C1QTNF7: variants seen among roughly 807,000 people sequenced by gnomAD.
C1QTNF7 encodes the protein C1q and TNF related 7, also known as complement C1q tumor necrosis factor-related protein 7.
Under a neutral mutation model 19.6 loss-of-function variants are expected in C1QTNF7, and 15 were observed. The observed-to-expected ratio is 0.76, with a 90% CI of 0.51 to 1.18. The LOEUF (loss-of-function observed/expected upper bound fraction) is 1.18. C1QTNF7 is among the 50% of genes most tolerant of loss of function. The pLI is 0.00. For synonymous variants in C1QTNF7, 142 were observed against 137.5 expected, an observed-to-expected ratio of 1.03 and a Z score of -0.23; for missense variants, 324 against 359.7, an observed-to-expected ratio of 0.90 and a Z score of 0.80.
At chr4:15,392,482 C>T (rs370798360) in intron 1 of C1QTNF7, among the ~76,000 whole-genome samples, 6 of 152,210 alleles carry the variant, frequency 3.9e-5, no homozygotes, top group East Asian at 3.9e-4. Flanking sequence ...GGAAGCAGCC[C>T]TCACCCAAAG....
chr4:15,420,036 G>A (rs1711675521), intron 1 of C1QTNF7: 1 of 152,156 alleles, frequency 6.6e-6, no homozygotes. Flanking sequence ...TCTCATCACT[G>A]GCAAACTCTT....
At chr4:15,340,255 G>A (rs1716492981) in intron 1 of C1QTNF7, 4 of 1,545,782 alleles carry the variant, frequency 2.6e-6, no homozygotes, top group East Asian at 2.4e-5. Flanking sequence ...CCTCCTATTC[G>A]GCCTTCATCA....
intron 1 of C1QTNF7, among the ~76,000 whole-genome samples, chr4:15,361,496 A>G (rs921892640): frequency 6.6e-6 from 1 of 152,088 alleles, no homozygotes; most frequent in Non-Finnish European, 1.5e-5. Context: ...TATCTGGGGG[A>G]AGAAAAACCC....
chr4:15,349,719 C>T (rs1434052247), intron 1 of C1QTNF7, among the ~76,000 whole-genome samples: 1 of 152,074 alleles, frequency 6.6e-6, no homozygotes. Context: ...TTCCTTGACC[C>T]GGGTCTTGCC....
chr4:15,399,111 C>G (rs2108905973), intron 1 of C1QTNF7, among the ~76,000 whole-genome samples: 1 of 152,272 alleles, frequency 6.6e-6, no homozygotes, highest in African/African-American at 2.4e-5. Flanking sequence ...GCCATTTTGC[C>G]TCTTAATGCA....
intron 1 of C1QTNF7, among the ~76,000 whole-genome samples, chr4:15,420,826 CTTTTTTTTTTTTTTT>C (rs61609914): frequency 1.5e-4 from 10 of 66,242 alleles, no homozygotes; most frequent in Non-Finnish European, 2.6e-4. Flanking sequence ...ACTGCTTTGT[CTTTTTTTTTTTTTTT>C]TTTTTTTTTT....
chr4:15,411,230 C>G (rs1360608760), intron 1 of C1QTNF7, among the ~76,000 whole-genome samples: 3 of 152,104 alleles, frequency 2.0e-5, no homozygotes, highest in Non-Finnish European at 4.4e-5. Flanking sequence ...GGAAGGCACA[C>G]TGAGGCATAA....
intron 1 of C1QTNF7, among the ~76,000 whole-genome samples, chr4:15,432,553 G>A (rs998833469): frequency 4.6e-5 from 7 of 152,140 alleles, no homozygotes; most frequent in African/African-American, 1.7e-4. Context: ...ACGCCACCAT[G>A]CAGGGCTACT....
intron 1 of C1QTNF7, among the ~76,000 whole-genome samples, chr4:15,395,514 A>G (rs922889509): frequency 4.6e-5 from 7 of 152,224 alleles, no homozygotes; most frequent in African/African-American, 1.7e-4. Context: ...GATGCCAAAT[A>G]GACACAGACT....
intron 1 of C1QTNF7, among the ~76,000 whole-genome samples, chr4:15,365,537 G>A (rs1340475218): frequency 1.3e-5 from 2 of 152,172 alleles, no homozygotes; most frequent in African/African-American, 2.4e-5. Context: ...ATGTCTGTTA[G>A]TCACAACTCT....
At chr4:15,384,798 G>C (rs753534239) in intron 1 of C1QTNF7, among the ~76,000 whole-genome samples, 22 of 152,154 alleles carry the variant, frequency 1.4e-4, no homozygotes, top group Non-Finnish European at 3.1e-4. Flanking sequence ...GAAATCATAA[G>C]GGTTGGTTTG....
At chr4:15,436,405 G>A (rs895541622) in intron 2 of C1QTNF7, among the ~76,000 whole-genome samples, 1 of 152,216 alleles carries the variant, frequency 6.6e-6, no homozygotes, top group African/African-American at 2.4e-5. Context: ...GACAGAAGGG[G>A]AAATGGACAG....
intron 1 of C1QTNF7, among the ~76,000 whole-genome samples, chr4:15,378,702 T>C (rs1390095852): frequency 6.6e-6 from 1 of 152,218 alleles, no homozygotes; most frequent in African/African-American, 2.4e-5. Flanking sequence ...AGTCTGAAAT[T>C]GTGCATATGT....
At position 15,442,361 on chromosome 4, in the gene C1QTNF7, C is replaced by A. The variant is rs535929913; in HGVS notation, c.432C>A (p.Ile144=). 6 of 1,614,148 alleles carry A rather than the reference C, an allele frequency of 3.7e-6. No individual in the cohort carries two copies. In the East Asian group the frequency reaches 6.7e-5, roughly 18 times the overall value. ...GLPGVCRCGS[I]VLKSAFSVGI... ...CTGGAGTTTGCAGATGTGGAAGCATCGTGCTCAAATCCGCCTTTTCTGTTG... is the reference window on the plus strand; with the variant it reads ...CTGGAGTTTGCAGATGTGGAAGCATAGTGCTCAAATCCGCCTTTTCTGTTG... Residue 144 remains isoleucine, a synonymous_variant, in exon 3 of 3, where the codon ATC becomes ATA. Coordinates refer to ENST00000444304, the MANE Select transcript of C1QTNF7 (RefSeq NM_031911.5).
At chr4:15,398,817 A>T (rs1421800942) in intron 1 of C1QTNF7, among the ~76,000 whole-genome samples, 1 of 152,246 alleles carries the variant, frequency 6.6e-6, no homozygotes, top group Non-Finnish European at 1.5e-5. Context: ...GAAAGGAAGT[A>T]AAGTATACTT....
chr4:15,339,895 G>A, upstream of C1QTNF7: 1 of 515,726 alleles, frequency 1.9e-6, no homozygotes, highest in East Asian at 3.6e-5. Context: ...ATTATGGGAA[G>A]GATCGCAGTT....
chr4:15,349,348 A>G (rs1716823473), intron 1 of C1QTNF7, among the ~76,000 whole-genome samples: 1 of 152,042 alleles, frequency 6.6e-6, no homozygotes, highest in African/African-American at 2.4e-5. Context: ...CTTTGCATTT[A>G]CGCTGTATTT....
chr4:15,419,071 A>G (rs1182543677), intron 1 of C1QTNF7, among the ~76,000 whole-genome samples: 5 of 152,228 alleles, frequency 3.3e-5, no homozygotes, highest in African/African-American at 1.2e-4. Flanking sequence ...TGTTCCAGGG[A>G]CAAAAGGTGC....
intron 1 of C1QTNF7, chr4:15,358,620 G>A (rs968365958): frequency 2.0e-5 from 3 of 152,136 alleles, no homozygotes; most frequent in Admixed American, 2.0e-4. Context: ...ATCAATTAAA[G>A]TTTGCCTCTT....
Sources: gnomAD v4.1 joint callset for allele counts (sites outside exome capture counted in the v4.1 genomes callset) on GRCh38, gnomAD v4.1.1 for gene constraint, MANE v1.5 for transcripts, NCBI Gene and HGNC (gene_info 2026-07-23, HGNC 2026-07-21) for gene names.